The following VGLL4 variants were observed in gnomAD, a reference collection of about 807,000 sequenced individuals.
VGLL4 encodes vestigial like family member 4, also known as transcription cofactor vestigial-like protein 4.
A neutral mutation model predicts 21.0 loss-of-function variants in VGLL4; 7 were observed. The observed-to-expected ratio is 0.33, with a 90% CI of 0.19 to 0.63. VGLL4 has a LOEUF of 0.63. Ranked by LOEUF, VGLL4 falls within the 20% of genes least tolerant of loss-of-function variation. The probability of loss-of-function intolerance (pLI) is 0.78; values close to 1 mark genes in which losing one functional copy is unlikely to be tolerated. For synonymous variants in VGLL4, 222 were observed against 173.2 expected (o/e 1.28, Z -2.21); for missense variants, 394 against 425.7 (o/e 0.93, Z 0.66).
At chr3:11,645,603 C>CAA (rs34230304), upstream of VGLL4, among the ~76,000 whole-genome samples, 637 of 77,392 alleles carry the variant, frequency 8.2e-3, 41 homozygotes, top group African/African-American at 0.03. Flanking sequence ...GACTCCGTCT[C>CAA]AAAAAAAAAA....
rs937697472 is a variant in VGLL4, at chr3:11,558,380, G to A, written c.*176C>T. 2.8e-5 allele frequency: 30 copies of A among 1,068,916 alleles called. No homozygotes were observed. In the East Asian group the frequency reaches 3.1e-4, roughly 11 times the overall value. 66.2% of individuals were successfully genotyped at this position (1,068,916 alleles called of 1,614,324 possible). A position where few individuals can be genotyped will look rare whatever the true frequency, so the allele number is the denominator to read the frequency against. On this transcript the variant is annotated 3_prime_UTR_variant, in exon 5 of 5. Transcript: ENST00000430365. ...ATCATGTTTGAGGGCCCCCTTGTAC[G>A]GATACCAAGCAAGTACAAAAACAGA...
At chr3:11,560,064 C>T (rs764160741) in intron 3 of VGLL4, among the ~76,000 whole-genome samples, 3 of 152,126 alleles carry the variant, frequency 2.0e-5, no homozygotes, top group Non-Finnish European at 2.9e-5. Flanking sequence ...TCACCCCCAC[C>T]CCCACGCTGT....
chr3:11,667,567 A>T (rs2076144878), intron 2 of VGLL4, among the ~76,000 whole-genome samples: 1 of 152,170 alleles, frequency 6.6e-6, no homozygotes, highest in Admixed American at 6.5e-5. Context: ...ACCTTTACAT[A>T]ACTTCTGTGT....
At chr3:11,655,505 A>C (rs1324156231) in intron 2 of VGLL4, among the ~76,000 whole-genome samples, 2 of 152,162 alleles carry the variant, frequency 1.3e-5, no homozygotes, top group African/African-American at 2.4e-5. Context: ...GGGGCAAACC[A>C]AACCCACCAC....
chr3:11,666,018 A>C (rs2125361031), intron 2 of VGLL4, among the ~76,000 whole-genome samples: 1 of 152,248 alleles, frequency 6.6e-6, no homozygotes, highest in East Asian at 1.9e-4. Flanking sequence ...TGGGAGGCCG[A>C]GGCGGGCGGA....
chr3:11,614,454 C>A (rs888693981), intron 1 of VGLL4, among the ~76,000 whole-genome samples: 17 of 152,248 alleles, frequency 1.1e-4, no homozygotes, highest in Non-Finnish European at 1.9e-4. Context: ...GTTCAAATTT[C>A]TCACTGGCAT....
intron 2 of VGLL4, among the ~76,000 whole-genome samples, chr3:11,656,618 A>G (rs991651829): frequency 6.6e-5 from 10 of 152,186 alleles, no homozygotes; most frequent in African/African-American, 2.2e-4. Context: ...AGGGTCTGAC[A>G]GTGTGTGGTG....
intron 2 of VGLL4, among the ~76,000 whole-genome samples, chr3:11,676,428 T>G (rs1317193673): frequency 6.7e-6 from 1 of 148,790 alleles, no homozygotes; most frequent in Admixed American, 6.7e-5. Context: ...ATAATAATAA[T>G]AATAATAATA....
exon 1 of VGLL4, chr3:11,720,504 A>C (rs1433685837): frequency 2.6e-5 from 4 of 152,278 alleles, no homozygotes; most frequent in African/African-American, 9.7e-5. Context: ...CTCCCATTAC[A>C]GCATGTTGCA....
At chr3:11,619,948 G>T (rs10510404) in intron 1 of VGLL4, among the ~76,000 whole-genome samples, 23,909 of 152,092 alleles carry the variant, frequency 0.16, 2,621 homozygotes, top group East Asian at 0.31. Context: ...GGTCACACTG[G>T]AGACTTTTCA....
chr3:11,600,303 C>A (rs879421723), intron 2 of VGLL4, among the ~76,000 whole-genome samples: 1 of 150,708 alleles, frequency 6.6e-6, no homozygotes, highest in Non-Finnish European at 1.5e-5. Flanking sequence ...GTGGCAGAAT[C>A]AGGATTTAAA....
At chr3:11,587,784 G>C (rs1428499812) in intron 2 of VGLL4, among the ~76,000 whole-genome samples, 1 of 152,122 alleles carries the variant, frequency 6.6e-6, no homozygotes, top group East Asian at 1.9e-4. Context: ...ACTTGGACTG[G>C]AGCCAGATGC....
chr3:11,624,340 G>A (rs1428009010), intron 1 of VGLL4, among the ~76,000 whole-genome samples: 1 of 152,090 alleles, frequency 6.6e-6, no homozygotes, highest in Non-Finnish European at 1.5e-5. Context: ...CAGTGACGTG[G>A]CACATGGGAG....
At chr3:11,713,737 T>C (rs1174341489) in intron 1 of VGLL4, among the ~76,000 whole-genome samples, 1 of 151,746 alleles carries the variant, frequency 6.6e-6, no homozygotes, top group Non-Finnish European at 1.5e-5. Flanking sequence ...GCTGTCAATC[T>C]CTTACCCTCC....
intron 2 of VGLL4, chr3:11,582,324 A>G (rs765947019): frequency 6.3e-7 from 1 of 1,596,488 alleles, no homozygotes. Flanking sequence ...AAGACAGCCC[A>G]GCGTCCTCCC....
At chr3:11,624,661 T>C (rs565694121) in intron 1 of VGLL4, among the ~76,000 whole-genome samples, 14 of 152,328 alleles carry the variant, frequency 9.2e-5, no homozygotes, top group African/African-American at 3.4e-4. Flanking sequence ...AGTCATATAC[T>C]TCCTATTTGT....
At position 11,558,220 on chromosome 3, in the gene VGLL4, T is replaced by C. The variant is rs1047590239; in HGVS notation, c.*336A>G. Reference sequence around the variant, plus strand: ...AAGCGTCTGAGTCACCAATTCATCATGGCTTGTGACTGAGAAAGCGCTGTG... The same window carrying C: ...AAGCGTCTGAGTCACCAATTCATCACGGCTTGTGACTGAGAAAGCGCTGTG... On this transcript the variant is annotated 3_prime_UTR_variant, in exon 5 of 5. Coordinates refer to ENST00000430365, the MANE Select transcript of VGLL4 (RefSeq NM_001128219.3). The C allele has an allele frequency of 2.1e-5, 8 of 379,152 alleles. No individual in the cohort carries two copies. The highest frequency in any genetic ancestry group is 1.2e-4 in the African/African-American group (6 of 49,724). 23.5% of individuals were successfully genotyped at this position (379,152 alleles called of 1,614,324 possible). A position where few individuals can be genotyped will look rare whatever the true frequency, so the allele number is the denominator to read the frequency against.
intron 2 of VGLL4, chr3:11,671,388 G>C (rs995856589): frequency 1.1e-6 from 1 of 928,338 alleles, no homozygotes; most frequent in African/African-American, 1.6e-5. Context: ...CAAGTTCCCA[G>C]GTGACGCTGT....
intron 3 of VGLL4, among the ~76,000 whole-genome samples, chr3:11,561,333 G>C (rs1192704455): frequency 6.6e-6 from 1 of 151,850 alleles, no homozygotes; most frequent in Non-Finnish European, 1.5e-5. Context: ...CTTCAGAAGA[G>C]ACTCTCTAAC....
Sources: gnomAD v4.1 joint callset for allele counts (sites outside exome capture counted in the v4.1 genomes callset) on GRCh38, gnomAD v4.1.1 for gene constraint, MANE v1.5 for transcripts, NCBI Gene and HGNC (gene_info 2026-07-23, HGNC 2026-07-21) for gene names.